RCL1: variants seen among roughly 807,000 people sequenced by gnomAD.
RCL1 encodes the protein RNA terminal phosphate cyclase like 1.
A neutral mutation model predicts 42.4 loss-of-function variants in RCL1; 24 were observed. The ratio of observed to expected loss-of-function variants is 0.57; its 90% CI spans 0.41 to 0.80. The LOEUF (loss-of-function observed/expected upper bound fraction) is 0.80. Among genes scored for constraint, RCL1 ranks in the 30% least tolerant of loss-of-function variants. The pLI is 0.00. For synonymous variants in RCL1, 228 were observed against 177.3 expected (o/e 1.29, Z -2.27); for missense variants, 578 against 467.9 (o/e 1.24, Z -2.17).
At chr9:4,801,713 C>T (rs1470894096) in intron 1 of RCL1, among the ~76,000 whole-genome samples, 4 of 144,182 alleles carry the variant, frequency 2.8e-5, no homozygotes, top group African/African-American at 5.2e-5. Flanking sequence ...ACTTGGGTTG[C>T]GATTCTTTTT....
At position 4,834,175 on chromosome 9, in the gene RCL1, G is replaced by A. The variant is rs1817044635; in HGVS notation, c.494G>A (p.Gly165Asp). ...CGGGGAATGCCTCCCGGAGGAGGAG[G>A]CGAAGTGGTTTTCTCATGTCCTGTG... The part of the protein sequence containing the change: ...VRRGMPPGGG[G>D]EVVFSCPVRK... The change falls in exon 5 of 9, where the codon GGC becomes GAC. Residue 165 changes from glycine (G) to aspartate (D), a missense_variant. Physicochemically the swap from Gly to Asp is moderately conservative, Grantham distance 94. Transcript: ENST00000381750. 6.2e-7 allele frequency: 1 copy of A among 1,613,702 alleles called. No homozygotes were observed.
chr9:4,829,272 G>A (rs1435265421), intron 3 of RCL1, among the ~76,000 whole-genome samples: 1 of 152,176 alleles, frequency 6.6e-6, no homozygotes, highest in Non-Finnish European at 1.5e-5. Flanking sequence ...ATGGAGAGGT[G>A]ATAGACTAGC....
intron 3 of RCL1, among the ~76,000 whole-genome samples, chr9:4,832,828 AAAG>A (rs1816988846): frequency 6.6e-6 from 1 of 151,366 alleles, no homozygotes; most frequent in Non-Finnish European, 1.5e-5. Flanking sequence ...AAAAAAAAAA[AAAG>A]TAGGGTTCTC....
chr9:4,856,726 C>T (rs1285635061), intron 8 of RCL1, among the ~76,000 whole-genome samples: 3 of 152,128 alleles, frequency 2.0e-5, no homozygotes, highest in African/African-American at 2.4e-5. Flanking sequence ...TTTTAAAGGT[C>T]GAGATGAAGT....
At chr9:4,816,084 G>C (rs936546415) in intron 1 of RCL1, among the ~76,000 whole-genome samples, 1 of 152,160 alleles carries the variant, frequency 6.6e-6, no homozygotes, top group African/African-American at 2.4e-5. Context: ...GGCCGTCTTT[G>C]TGAAGGATTT....
chr9:4,859,134 C>T lies in RCL1; in HGVS notation c.972-991C>T, dbSNP rs754155780. ...CTGGGGTGACGCTAGGTCTGCCAGG[C>T]GAGACCATTAGAAGCCTGTGCACCT... On this transcript the variant is annotated intron_variant, in intron 8 of 8. Coordinates refer to ENST00000381750, the MANE Select transcript of RCL1 (RefSeq NM_005772.5). 7.9e-5 allele frequency among the ~76,000 whole-genome samples: 12 copies of T among 152,164 alleles called. 1 individual carries two copies. Among genetic ancestry groups the T allele is most frequent in the South Asian group, 4.1e-4 (2 of 4,828 alleles).
intron 1 of RCL1, among the ~76,000 whole-genome samples, chr9:4,806,017 G>T (rs1387749368): frequency 7.0e-6 from 1 of 142,740 alleles, no homozygotes; most frequent in African/African-American, 2.6e-5. Flanking sequence ...ATACCATTGG[G>T]GTGTGTGTGT....
intron 3 of RCL1, among the ~76,000 whole-genome samples, chr9:4,830,916 C>T (rs1373964641): frequency 1.3e-5 from 2 of 152,098 alleles, no homozygotes; most frequent in South Asian, 2.1e-4. Context: ...TCTCTCTGAC[C>T]GCAGAGTGGA....
intron 1 of RCL1, among the ~76,000 whole-genome samples, chr9:4,798,136 G>C (rs527515357): frequency 6.6e-6 from 1 of 152,332 alleles, no homozygotes; most frequent in East Asian, 1.9e-4. Flanking sequence ...GCTCCTGCCT[G>C]AAGGACCTGT....
At chr9:4,830,339 A>G (rs1465863540) in intron 3 of RCL1, among the ~76,000 whole-genome samples, 1 of 152,216 alleles carries the variant, frequency 6.6e-6, no homozygotes, top group Non-Finnish European at 1.5e-5. Flanking sequence ...TTGTAGGCTG[A>G]GGAGAAGCTG....
At chr9:4,818,764 C>G (rs1816484244) in intron 1 of RCL1, among the ~76,000 whole-genome samples, 1 of 150,804 alleles carries the variant, frequency 6.6e-6, no homozygotes. Context: ...CCTAGCTACT[C>G]GGGAGGGTGA....
At chr9:4,794,350 G>A (rs974523912) in intron 1 of RCL1, among the ~76,000 whole-genome samples, 1 of 152,210 alleles carries the variant, frequency 6.6e-6, no homozygotes, top group Admixed American at 6.5e-5. Flanking sequence ...GTACAGTGGT[G>A]AGAAACCTAG....
intron 6 of RCL1, 25 bp from the exon 7 acceptor site, chr9:4,844,500 A>G (rs1817441455): frequency 6.3e-7 from 1 of 1,586,786 alleles, no homozygotes; most frequent in Non-Finnish European, 8.6e-7. Context: ...AAACCTACTC[A>G]GTGTTTGTGC....
chr9:4,848,719 AAAG>A (rs1469753862), intron 7 of RCL1, among the ~76,000 whole-genome samples: 1 of 152,222 alleles, frequency 6.6e-6, no homozygotes, highest in Admixed American at 6.5e-5. Flanking sequence ...ATGAAAAACA[AAAG>A]AAGAAAGGCA....
At position 4,855,933 on chromosome 9, in the gene RCL1, AG is replaced by A. The variant is rs143792005; in HGVS notation, c.972-4189del. Among the ~76,000 whole-genome samples, 70 of 152,236 alleles carry A rather than the reference AG, an allele frequency of 4.6e-4. No homozygotes were observed. The East Asian group carries it at 0.012, about 27-fold the overall frequency. ...TCTCCAAGAGATCAGAAGCAAGCTG[AG>A]GGCCCGTAGAAATTCTGCCAGCTGG... is the stretch of plus-strand genomic sequence containing the variant. On this transcript the variant is annotated intron_variant, in intron 8 of 8. Transcript: ENST00000381750.
chr9:4,808,558 C>G (rs1476656817), intron 1 of RCL1, among the ~76,000 whole-genome samples: 3 of 152,192 alleles, frequency 2.0e-5, no homozygotes, highest in African/African-American at 7.2e-5. Context: ...ATCCACCTGC[C>G]TCGGCCTCCC....
At chr9:4,825,700 A>G (rs1052310972) in intron 2 of RCL1, among the ~76,000 whole-genome samples, 1 of 152,126 alleles carries the variant, frequency 6.6e-6, no homozygotes, top group Non-Finnish European at 1.5e-5. Flanking sequence ...ATGTCCCCCT[A>G]TGTCATTTAC....
At chr9:4,831,048 C>A (rs549304783) in intron 3 of RCL1, among the ~76,000 whole-genome samples, 1 of 152,274 alleles carries the variant, frequency 6.6e-6, no homozygotes, top group South Asian at 2.1e-4. Context: ...AAGGAGGAAA[C>A]TGAGGCCCAG....
chr9:4,815,170 G>C (rs559868181), intron 1 of RCL1, among the ~76,000 whole-genome samples: 1 of 152,090 alleles, frequency 6.6e-6, no homozygotes, highest in South Asian at 2.1e-4. Flanking sequence ...ATCAGCCTTG[G>C]GAGCTTTTCA....
Sources: allele counts gnomAD v4.1 joint callset (sites outside exome capture counted in the v4.1 genomes callset), GRCh38; gene constraint gnomAD v4.1.1; transcripts MANE v1.5; gene names NCBI Gene and HGNC (gene_info 2026-07-23, HGNC 2026-07-21).